PLAGL1: variants seen among roughly 807,000 people sequenced by gnomAD.
The protein encoded by PLAGL1 is PLAG1 like zinc finger 1.
In PLAGL1, 1 loss-of-function variant was observed where a neutral mutation model predicts 4.6. The observed-to-expected ratio is 0.22, with a 90% CI of 0.08 to 1.03. The LOEUF is 1.03. Ranked by LOEUF, PLAGL1 falls within the 50% of genes least tolerant of loss-of-function variation. The pLI is 0.58. For synonymous variants in PLAGL1, 240 were observed against 237.8 expected (o/e 1.01, Z -0.08); for missense variants, 464 against 570.4 (o/e 0.81, Z 1.90).
At chr6:144,030,081 G>A (rs1222386164) in intron 1 of PLAGL1, among the ~76,000 whole-genome samples, 1 of 151,772 alleles carries the variant, frequency 6.6e-6, no homozygotes, top group Non-Finnish European at 1.5e-5. Flanking sequence ...GTGAAACCCT[G>A]TCTCCACTAA....
intron 1 of PLAGL1, among the ~76,000 whole-genome samples, chr6:144,038,670 A>G (rs556936674): frequency 2.3e-4 from 35 of 152,364 alleles, no homozygotes; most frequent in African/African-American, 8.2e-4. Flanking sequence ...AAGTACTGAT[A>G]CATGCTACAA....
Position 144,050,058 on chromosome 6 carries a change from G to C in PLAGL1, c.-151+14410C>G, listed in dbSNP as rs1182710340. On this transcript the variant is annotated intron_variant, in intron 1 of 3. Coordinates refer to the PLAGL1 transcript ENST00000437412. This position sits in a 1 kb window ranked among gnomAD's most constrained non-coding sequence, Gnocchi z 4.3. ...TGGGAGGGAAGCCATTCACAATTTA[G>C]AGCCTCGGCTTTTTGAATGAAGTAG... 6.6e-6 allele frequency among the ~76,000 whole-genome samples: 1 copy of C among 152,148 alleles called. No homozygotes were observed. Among genetic ancestry groups the C allele is most frequent in the Non-Finnish European group, 1.5e-5 (1 of 68,018 alleles).
intron 2 of PLAGL1, among the ~76,000 whole-genome samples, chr6:143,974,257 G>A (rs1011173915): frequency 6.6e-6 from 1 of 152,110 alleles, no homozygotes; most frequent in African/African-American, 2.4e-5. Context: ...CATGGGAATC[G>A]ATGGGTTAAG....
rs1799353688 is a variant in PLAGL1, at chr6:144,061,080, A to C, written c.-151+3388T>G. Among the ~76,000 whole-genome samples, 1 of 152,258 alleles carries C rather than the reference A, an allele frequency of 6.6e-6. No individual in the cohort carries two copies. The highest frequency in any genetic ancestry group is 1.5e-5 in the Non-Finnish European group (1 of 68,050). Reference sequence around the variant, plus strand: ...AAAAATGTAATTTTCAAAGAAATTTACAATTGGAAGTGGAAAGGTACTGGG... The same window carrying C: ...AAAAATGTAATTTTCAAAGAAATTTCCAATTGGAAGTGGAAAGGTACTGGG... On this transcript the variant is annotated intron_variant, in intron 1 of 3. Coordinates refer to the PLAGL1 transcript ENST00000437412. This position sits in a 1 kb window ranked among gnomAD's most constrained non-coding sequence, Gnocchi z 4.4.
At chr6:144,044,099 T>C (rs1310486143) in intron 1 of PLAGL1, among the ~76,000 whole-genome samples, 1 of 152,230 alleles carries the variant, frequency 6.6e-6, no homozygotes, top group Non-Finnish European at 1.5e-5. Flanking sequence ...TAGTGGTCTA[T>C]CAATTTTGTC....
In PLAGL1 at chr6:143,947,469, G is replaced by C. The variant is rs776348354; in HGVS notation, c.152+516C>G. Among the ~76,000 whole-genome samples, 1 of 152,184 alleles carries C rather than the reference G, an allele frequency of 6.6e-6. No homozygotes were observed. Among genetic ancestry groups the C allele is most frequent in the Non-Finnish European group, 1.5e-5 (1 of 68,036 alleles). ...CAGACAGAGGTAAGGCCTGCTATAC[G>C]TGGCTTCCTTCCTGCCTGCACTTTT... On this transcript the variant is annotated intron_variant, in intron 7 of 7. Coordinates refer to ENST00000674357, the MANE Select transcript of PLAGL1 (RefSeq NM_001317162.2). This position sits in a 1 kb window ranked among gnomAD's most constrained non-coding sequence, Gnocchi z 4.3.
chr6:143,962,040 T>G lies in PLAGL1; in HGVS notation c.-398-1498A>C, dbSNP rs934011509. ...ACACAGGAGCTTATTCTTAAGCTGT[T>G]CAATGTAAGCAGCACTCGTGAAAGA... On this transcript the variant is annotated intron_variant, in intron 5 of 7. Transcript: ENST00000674357. This position sits in a 1 kb window ranked among gnomAD's most constrained non-coding sequence, Gnocchi z 5.3. 6.6e-6 allele frequency among the ~76,000 whole-genome samples: 1 copy of G among 152,194 alleles called. No homozygotes were observed. Among genetic ancestry groups the G allele is most frequent in the Admixed American group, 6.5e-5 (1 of 15,272 alleles).
intron 1 of PLAGL1, among the ~76,000 whole-genome samples, chr6:144,025,594 A>C (rs1403697108): frequency 1.3e-5 from 2 of 152,180 alleles, no homozygotes; most frequent in Non-Finnish European, 2.9e-5. Context: ...CTATATTTTT[A>C]AAAAACACCT....
At chr6:143,988,723 T>C (rs73781349) in intron 1 of PLAGL1, among the ~76,000 whole-genome samples, 3,484 of 152,256 alleles carry the variant, frequency 0.023, 139 homozygotes, top group African/African-American at 0.077. Context: ...TGGGCAGGTT[T>C]TGGTGAGGAA....
rs1562587697 is a variant in PLAGL1, at chr6:144,027,291, G to GT, written c.-151+37176_-151+37177insA. Among the ~76,000 whole-genome samples, 2 of 147,826 alleles carry GT rather than the reference G, an allele frequency of 1.4e-5. No individual in the cohort carries two copies. The highest frequency in any genetic ancestry group is 7.0e-5 in the Admixed American group (1 of 14,240). ...AGAAAGAAAGAAAGAAAGAAAGAAA[G>GT]AAAGTTATTTGATCTGAAGTACAAT... On this transcript the variant is annotated intron_variant, in intron 1 of 3. Coordinates refer to the PLAGL1 transcript ENST00000437412. The surrounding 1 kb of genome is among the most constrained non-coding windows in gnomAD (Gnocchi z 5.8).
intron 6 of PLAGL1, among the ~76,000 whole-genome samples, chr6:143,951,658 G>A (rs1401149908): frequency 6.6e-6 from 1 of 152,232 alleles, no homozygotes; most frequent in Non-Finnish European, 1.5e-5. Flanking sequence ...CATTTCCCCT[G>A]AGCCCTCAAA....
At chr6:144,002,299 A>G (rs1793077271) in intron 1 of PLAGL1, among the ~76,000 whole-genome samples, 1 of 152,198 alleles carries the variant, frequency 6.6e-6, no homozygotes, top group African/African-American at 2.4e-5. Flanking sequence ...ACATCTACAA[A>G]AAAAGTACAG....
In PLAGL1 at chr6:144,022,534, T is replaced by C. The variant is rs1583747417; in HGVS notation, c.-151+41934A>G. Among the ~76,000 whole-genome samples the C allele has an allele frequency of 6.6e-6, 1 of 152,320 alleles. No homozygotes were observed. Among genetic ancestry groups the C allele is most frequent in the East Asian group, 1.9e-4 (1 of 5,188 alleles). On this transcript the variant is annotated intron_variant, in intron 1 of 3. Coordinates refer to the PLAGL1 transcript ENST00000437412. The surrounding 1 kb of genome is among the most constrained non-coding windows in gnomAD (Gnocchi z 4.2). ...TGGCTATTTCCCTACCCAAATCTCA[T>C]CTTGAATTGTAGCTCCCATAATTCC...
At position 143,997,929 on chromosome 6, in the gene PLAGL1, C is replaced by T. The variant is rs971457450; in HGVS notation, c.-584+10161G>A. 2.6e-5 allele frequency among the ~76,000 whole-genome samples: 4 copies of T among 152,032 alleles called. No individual in the cohort carries two copies. Among genetic ancestry groups the T allele is most frequent in the African/African-American group, 9.7e-5 (4 of 41,372 alleles). ...GGCAGATTTCATATGTTTTTCTTCC[C>T]CATGTATTTTAGGCCTCAACAGAAG... is the stretch of plus-strand genomic sequence containing the variant. On this transcript the variant is annotated intron_variant, in intron 1 of 7. Transcript: ENST00000674357. This position sits in a 1 kb window ranked among gnomAD's most constrained non-coding sequence, Gnocchi z 4.6.
At chr6:144,012,717 C>T (rs534307780), upstream of PLAGL1, among the ~76,000 whole-genome samples, 1 of 152,320 alleles carries the variant, frequency 6.6e-6, no homozygotes, top group Non-Finnish European at 1.5e-5. This position sits in a 1 kb window ranked among gnomAD's most constrained non-coding sequence, Gnocchi z 4.8. Context: ...CTGTGACACA[C>T]TCTTTTTCTC....
intron 2 of PLAGL1, among the ~76,000 whole-genome samples, chr6:143,977,932 G>C (rs560305997): frequency 6.6e-6 from 1 of 152,264 alleles, no homozygotes; most frequent in Non-Finnish European, 1.5e-5. Context: ...CAAGGAACTA[G>C]TCTATTTTAT....
chr6:143,959,345 A>G lies in PLAGL1; in HGVS notation c.-325+1124T>C, dbSNP rs1018855850. On this transcript the variant is annotated intron_variant, in intron 6 of 7. Transcript: ENST00000674357. This position sits in a 1 kb window ranked among gnomAD's most constrained non-coding sequence, Gnocchi z 5.3. ...CGCCACTGAATACTTCGGCAGACAC[A>G]TTCCAGGATCTTCCTGGCTAGCACT... is the stretch of plus-strand genomic sequence containing the variant. Among the ~76,000 whole-genome samples, 3 of 152,086 alleles carry G rather than the reference A, an allele frequency of 2.0e-5. No individual in the cohort carries two copies. Among genetic ancestry groups the G allele is most frequent in the Non-Finnish European group, 4.4e-5 (3 of 68,008 alleles).
In PLAGL1 at chr6:143,959,097, G is replaced by A. The variant is rs989582439; in HGVS notation, c.-325+1372C>T. Among the ~76,000 whole-genome samples, 10 of 152,224 alleles carry A rather than the reference G, an allele frequency of 6.6e-5. No individual in the cohort carries two copies. The highest frequency in any genetic ancestry group is 1.2e-4 in the Non-Finnish European group (8 of 68,010). On this transcript the variant is annotated intron_variant, in intron 6 of 7. Coordinates refer to ENST00000674357, the MANE Select transcript of PLAGL1 (RefSeq NM_001317162.2). The surrounding 1 kb of genome is among the most constrained non-coding windows in gnomAD (Gnocchi z 5.3). The stretch of plus-strand genomic sequence containing the variant: ...CATGTGCTGCTCTGCGCTCCCCGTC[G>A]CCCCGGAGGCCGGCACCTTGCTCAC...
chr6:144,011,880 G>A (rs1052172344), upstream of PLAGL1, among the ~76,000 whole-genome samples: 3 of 152,192 alleles, frequency 2.0e-5, no homozygotes, highest in Non-Finnish European at 4.4e-5. This position sits in a 1 kb window ranked among gnomAD's most constrained non-coding sequence, Gnocchi z 4.3. Flanking sequence ...ATCCCAGAAA[G>A]TGGGAAACTT....
Sources: allele counts gnomAD v4.1 joint callset (sites outside exome capture counted in the v4.1 genomes callset), GRCh38; gene constraint gnomAD v4.1.1; non-coding constraint Gnocchi (gnomAD v3.1); transcripts MANE v1.5; gene names NCBI Gene and HGNC (gene_info 2026-07-23, HGNC 2026-07-21).